B3GALT1: variants seen among roughly 807,000 people sequenced by gnomAD.
B3GALT1 encodes the protein beta-1,3-galactosyltransferase 1, also known as UDP-Gal:betaGlcNAc beta 1,3-galactosyltransferase, polypeptide 1.
Under a neutral mutation model 23.2 loss-of-function variants are expected in B3GALT1, and 10 were observed. The ratio of observed to expected loss-of-function variants is 0.43; its 90% CI spans 0.27 to 0.73. B3GALT1 has a LOEUF of 0.73. B3GALT1 is among the 30% of genes least tolerant of loss of function. The pLI is 0.21. For synonymous variants in B3GALT1, 156 were observed against 141.5 expected (o/e 1.10, Z -0.73); for missense variants, 299 against 405.4 (o/e 0.74, Z 2.25).
chr2:167,319,082 T>C (rs1193967146), intron 1 of B3GALT1, among the ~76,000 whole-genome samples: 1 of 152,124 alleles, frequency 6.6e-6, no homozygotes, highest in South Asian at 2.1e-4. Context: ...TAGACACCAT[T>C]GTCTTGCTCT....
At chr2:167,755,029 A>AG (rs1310386183) in intron 3 of B3GALT1, among the ~76,000 whole-genome samples, 78 of 151,454 alleles carry the variant, frequency 5.2e-4, no homozygotes, top group South Asian at 4.8e-3. Context: ...AGTATGTTGT[A>AG]GGGGGCGGGG....
intron 2 of B3GALT1, among the ~76,000 whole-genome samples, chr2:167,502,905 G>A (rs1574106893): frequency 1.3e-5 from 2 of 152,226 alleles, no homozygotes; most frequent in African/African-American, 4.8e-5. Flanking sequence ...TGGGCATGGT[G>A]GCAGGCGCCT....
intron 3 of B3GALT1, among the ~76,000 whole-genome samples, chr2:167,671,256 C>G (rs931495391): frequency 6.6e-6 from 1 of 151,736 alleles, no homozygotes; most frequent in Non-Finnish European, 1.5e-5. Context: ...ATAGATCATC[C>G]AGAAAAAAAA....
At chr2:167,797,999 C>T (rs570278580) in intron 3 of B3GALT1, among the ~76,000 whole-genome samples, 22 of 152,186 alleles carry the variant, frequency 1.4e-4, no homozygotes, top group African/African-American at 4.8e-4. Flanking sequence ...CCACCATGCC[C>T]GGCCCCTCAT....
chr2:167,835,189 T>G (rs1689433190), intron 4 of B3GALT1, among the ~76,000 whole-genome samples: 1 of 152,060 alleles, frequency 6.6e-6, no homozygotes, highest in Non-Finnish European at 1.5e-5. Context: ...TGCAGGTTAG[T>G]GGGTGCAGCA....
At position 167,508,542 on chromosome 2, in the gene B3GALT1, G is replaced by A. The variant is rs1299310465; in HGVS notation, c.-410+18265G>A. On this transcript the variant is annotated intron_variant, in intron 2 of 4. Transcript: ENST00000392690. Reference sequence around the variant, plus strand: ...CAAAGTGCTGGGATTACAGGCGTGAGCCACTGCACCTGACCCAGATGTTTC... The same window carrying A: ...CAAAGTGCTGGGATTACAGGCGTGAACCACTGCACCTGACCCAGATGTTTC... 2.6e-5 allele frequency among the ~76,000 whole-genome samples: 4 copies of A among 152,206 alleles called. No homozygotes were observed. The East Asian group carries it at 7.7e-4, about 29-fold the overall frequency.
At chr2:167,649,105 C>G (rs1036155707) in intron 3 of B3GALT1, among the ~76,000 whole-genome samples, 10 of 152,070 alleles carry the variant, frequency 6.6e-5, no homozygotes, top group African/African-American at 2.4e-4. Flanking sequence ...TTGTTTTTAT[C>G]AACACAGCTT....
chr2:167,481,162 C>T (rs1410001534), intron 1 of B3GALT1, among the ~76,000 whole-genome samples: 1 of 152,174 alleles, frequency 6.6e-6, no homozygotes. Flanking sequence ...CATCTTTGTT[C>T]TCTCTGAATC....
At chr2:167,431,253 T>C (rs990551465) in intron 1 of B3GALT1, among the ~76,000 whole-genome samples, 1 of 152,138 alleles carries the variant, frequency 6.6e-6, no homozygotes. Context: ...AATGGGAAAA[T>C]AAAAGCCCTG....
At chr2:167,615,973 G>C (rs1685154259) in intron 2 of B3GALT1, among the ~76,000 whole-genome samples, 1 of 152,008 alleles carries the variant, frequency 6.6e-6, no homozygotes, top group South Asian at 2.1e-4. Flanking sequence ...ACTGTGCTCT[G>C]CTCATTCTGA....
In B3GALT1 at chr2:167,391,949, A is replaced by G. The variant is rs527460463; in HGVS notation, c.-510-98228A>G. ...AAGTCAAAGGTAAATCTGAATGGCA[A>G]ATGTACACATTTGAAAGTGACTAAA... On this transcript the variant is annotated intron_variant, in intron 1 of 4. Coordinates refer to ENST00000392690, the MANE Select transcript of B3GALT1 (RefSeq NM_020981.4). Among the ~76,000 whole-genome samples, 13 of 152,250 alleles carry G rather than the reference A, an allele frequency of 8.5e-5. No homozygotes were observed. In the South Asian group the frequency reaches 2.7e-3, roughly 32 times the overall value.
intron 1 of B3GALT1, among the ~76,000 whole-genome samples, chr2:167,420,225 A>C (rs13432767): frequency 3.5e-4 from 53 of 152,310 alleles, no homozygotes; most frequent in African/African-American, 1.3e-3. Context: ...CGTAGTTTCA[A>C]ATGACAGGAT....
At position 167,438,677 on chromosome 2, in the gene B3GALT1, A is replaced by T. The variant is rs865952285; in HGVS notation, c.-510-51500A>T. ...CAGTGATGGATCCCAAGCAACAAGTATTCTTCAGGGGCCCCACAGGGCAGA... is the reference window on the plus strand; with the variant it reads ...CAGTGATGGATCCCAAGCAACAAGTTTTCTTCAGGGGCCCCACAGGGCAGA... On this transcript the variant is annotated intron_variant, in intron 1 of 4. Transcript: ENST00000392690. Among the ~76,000 whole-genome samples, 4 of 152,202 alleles carry T rather than the reference A, an allele frequency of 2.6e-5. No homozygotes were observed. In the South Asian group the frequency reaches 8.3e-4, roughly 31 times the overall value.
chr2:167,463,745 A>G (rs1699302141), intron 1 of B3GALT1, among the ~76,000 whole-genome samples: 1 of 152,224 alleles, frequency 6.6e-6, no homozygotes, highest in South Asian at 2.1e-4. Flanking sequence ...ATGAAAATGC[A>G]AAGTGTAAGA....
chr2:167,534,558 A>AT (rs1318314411), intron 2 of B3GALT1, among the ~76,000 whole-genome samples: 1 of 152,124 alleles, frequency 6.6e-6, no homozygotes, highest in Non-Finnish European at 1.5e-5. Context: ...AATCAAAAAT[A>AT]TTTTTCTAAA....
intron 3 of B3GALT1, among the ~76,000 whole-genome samples, chr2:167,683,220 G>A (rs1273010410): frequency 1.3e-5 from 2 of 152,166 alleles, no homozygotes; most frequent in Non-Finnish European, 2.9e-5. Flanking sequence ...ATTAGGTACA[G>A]TACTTCCTGG....
intron 1 of B3GALT1, among the ~76,000 whole-genome samples, chr2:167,419,629 G>A (rs1465855964): frequency 6.6e-6 from 1 of 152,192 alleles, no homozygotes; most frequent in Non-Finnish European, 1.5e-5. Flanking sequence ...GCCTTTATTT[G>A]TATCATCATT....
chr2:167,455,873 C>T (rs890455595), intron 1 of B3GALT1, among the ~76,000 whole-genome samples: 3 of 152,032 alleles, frequency 2.0e-5, no homozygotes, highest in Non-Finnish European at 2.9e-5. Flanking sequence ...AAATATACAT[C>T]GAATTGTAGA....
chr2:167,360,219 C>T (rs1450114228), intron 1 of B3GALT1, among the ~76,000 whole-genome samples: 2 of 152,120 alleles, frequency 1.3e-5, no homozygotes, highest in African/African-American at 4.8e-5. Flanking sequence ...CATATTTTGA[C>T]ATGAGGAATC....
Sources: allele counts gnomAD v4.1 joint callset (sites outside exome capture counted in the v4.1 genomes callset), GRCh38; gene constraint gnomAD v4.1.1; transcripts MANE v1.5; gene names NCBI Gene and HGNC (gene_info 2026-07-23, HGNC 2026-07-21).